Variants in HPSE2 observed in about 807,000 individuals in gnomAD.
HPSE2 encodes inactive heparanase-2.
A neutral mutation model predicts 60.5 loss-of-function variants in HPSE2; 38 were observed. The observed-to-expected ratio is 0.63, with a 90% confidence interval of 0.48 to 0.82. The LOEUF is 0.82. Ranked by LOEUF, HPSE2 falls within the 40% of genes least tolerant of loss-of-function variation. HPSE2 has a pLI of 0.00. For missense variants in HPSE2, 713 were observed against 740.4 expected, an observed-to-expected ratio of 0.96 and a Z score of 0.43; for synonymous variants, 295 against 293.2, an observed-to-expected ratio of 1.01 and a Z score of -0.06.
In HPSE2 at chr10:98,952,599, T is replaced by C. The variant is rs539643162; in HGVS notation, c.610+191639A>G. The stretch of plus-strand genomic sequence containing the variant: ...AGCCACTGAGGACAAAAACATTGTA[T>C]TAGTCTAGTCAGCTTGGGCTGCCAT... On this transcript the variant is annotated intron_variant, in intron 3 of 11. Transcript: ENST00000370552. 2.4e-4 allele frequency among the ~76,000 whole-genome samples: 37 copies of C among 152,274 alleles called. 1 individual carries two copies. The highest frequency in any genetic ancestry group is 8.7e-4 in the African/African-American group (36 of 41,554).
the HPSE2 span, among the ~76,000 whole-genome samples, chr10:99,302,891 T>C: frequency 1.1e-4 from 16 of 151,010 alleles, no homozygotes; most frequent in African/African-American, 3.9e-4. Context: ...GGCAACTAGA[T>C]TTTACTCAGA....
intron 2 of HPSE2, among the ~76,000 whole-genome samples, chr10:99,198,093 C>T (rs1056809623): frequency 3.3e-5 from 5 of 151,366 alleles, no homozygotes; most frequent in Admixed American, 6.6e-5. Flanking sequence ...TGAATTTTTT[C>T]CAAGGCCACA....
intron 3 of HPSE2, among the ~76,000 whole-genome samples, chr10:98,809,478 AT>A (rs1951118306): frequency 6.6e-6 from 1 of 152,054 alleles, no homozygotes; most frequent in South Asian, 2.1e-4. Flanking sequence ...ATAAACAATA[AT>A]GCTCCATTTT....
intron 3 of HPSE2, among the ~76,000 whole-genome samples, chr10:99,026,916 G>T (rs4617522): frequency 0.16 from 24,439 of 151,786 alleles, 2,862 homozygotes; most frequent in African/African-American, 0.32. Flanking sequence ...AAATTTTCTT[G>T]AAAACAAATG....
intron 6 of HPSE2, among the ~76,000 whole-genome samples, chr10:98,645,252 C>T (rs1464179360): frequency 2.0e-5 from 3 of 152,138 alleles, no homozygotes; most frequent in Admixed American, 2.0e-4. Context: ...GAACTATATA[C>T]CACGTAGCTG....
intron 3 of HPSE2, among the ~76,000 whole-genome samples, chr10:98,832,108 G>A (rs1352296893): frequency 6.6e-6 from 1 of 152,168 alleles, no homozygotes; most frequent in African/African-American, 2.4e-5. Flanking sequence ...CCTCAGTGAG[G>A]TCTGGGTTCA....
chr10:98,492,847 T>C (rs1053901261), intron 9 of HPSE2, among the ~76,000 whole-genome samples: 1 of 152,218 alleles, frequency 6.6e-6, no homozygotes, highest in Admixed American at 6.5e-5. Flanking sequence ...ATTTACCATC[T>C]TAACCATTTT....
At chr10:98,648,346 G>A (rs1186599072) in intron 6 of HPSE2, among the ~76,000 whole-genome samples, 7 of 152,194 alleles carry the variant, frequency 4.6e-5, no homozygotes, top group Non-Finnish European at 7.3e-5. Context: ...ATTGGAGCAG[G>A]CTCTAGGGAG....
chr10:98,504,910 A>G (rs1942150475), intron 9 of HPSE2, among the ~76,000 whole-genome samples: 1 of 152,140 alleles, frequency 6.6e-6, no homozygotes, highest in African/African-American at 2.4e-5. Context: ...ATCTACTCAT[A>G]AGCAATATAT....
chr10:99,140,466 A>C (rs376380623), intron 3 of HPSE2, among the ~76,000 whole-genome samples: 2 of 152,334 alleles, frequency 1.3e-5, no homozygotes, highest in Admixed American at 6.5e-5. Context: ...TAGAAATTTG[A>C]CCTCATTTCA....
intron 3 of HPSE2, among the ~76,000 whole-genome samples, chr10:99,097,837 G>T (rs1843773858): frequency 6.6e-6 from 1 of 152,148 alleles, no homozygotes; most frequent in Admixed American, 6.5e-5. Flanking sequence ...TGTCCAAAAT[G>T]AAACTGGTAG....
intron 6 of HPSE2, among the ~76,000 whole-genome samples, chr10:98,651,505 CTTT>C (rs1027326925): frequency 6.6e-6 from 1 of 152,152 alleles, no homozygotes; most frequent in African/African-American, 2.4e-5. Flanking sequence ...CAAAATGTTT[CTTT>C]ACCATCCTTT....
chr10:99,182,066 G>A (rs1847800269), intron 2 of HPSE2, among the ~76,000 whole-genome samples: 1 of 152,152 alleles, frequency 6.6e-6, no homozygotes, highest in Admixed American at 6.5e-5. Context: ...AAAACTGGGA[G>A]GAATAACTTT....
chr10:99,068,740 AAAAG>A (rs570226560), intron 3 of HPSE2, among the ~76,000 whole-genome samples: 205 of 152,328 alleles, frequency 1.3e-3, no homozygotes, highest in Non-Finnish European at 2.1e-3. Flanking sequence ...ATCCACTATG[AAAAG>A]AAAGAGAGGA....
At chr10:99,084,466 A>T (rs1377083672) in intron 3 of HPSE2, among the ~76,000 whole-genome samples, 1 of 152,190 alleles carries the variant, frequency 6.6e-6, no homozygotes, top group Non-Finnish European at 1.5e-5. Context: ...TTCCTAAAAG[A>T]GGAAAGATCC....
At chr10:98,549,751 A>G (rs1477441935) in intron 9 of HPSE2, among the ~76,000 whole-genome samples, 2 of 151,980 alleles carry the variant, frequency 1.3e-5, no homozygotes, top group East Asian at 3.9e-4. Flanking sequence ...TTGACCAACA[A>G]TTTCCTCCTT....
At chr10:98,898,617 A>G (rs1953567696) in intron 3 of HPSE2, among the ~76,000 whole-genome samples, 1 of 152,170 alleles carries the variant, frequency 6.6e-6, no homozygotes, top group Non-Finnish European at 1.5e-5. Flanking sequence ...TTTTAGGGTG[A>G]TGAAACTATT....
At chr10:98,493,613 A>G (rs1361470324) in intron 9 of HPSE2, among the ~76,000 whole-genome samples, 1 of 151,618 alleles carries the variant, frequency 6.6e-6, no homozygotes, top group African/African-American at 2.4e-5. Flanking sequence ...AGCTGCCCCT[A>G]CTCTCTTTTG....
At chr10:98,896,549 C>T (rs984063707) in intron 3 of HPSE2, among the ~76,000 whole-genome samples, 7 of 152,000 alleles carry the variant, frequency 4.6e-5, no homozygotes, top group Admixed American at 1.3e-4. Flanking sequence ...AACAGAAAAA[C>T]ACCTAAAATC....
Sources: allele counts gnomAD v4.1 joint callset (sites outside exome capture counted in the v4.1 genomes callset), GRCh38; gene constraint gnomAD v4.1.1; transcripts MANE v1.5; gene names NCBI Gene and HGNC (gene_info 2026-07-23, HGNC 2026-07-21).